BIRC6: variants seen among roughly 807,000 people sequenced by gnomAD.
BIRC6 encodes the protein baculoviral IAP repeat containing 6, also known as dual E2 ubiquitin-conjugating enzyme/E3 ubiquitin-protein ligase BIRC6.
BIRC6 carries 98 observed loss-of-function variants against 503.3 expected under a neutral mutation model. That is an observed-to-expected ratio of 0.19 (90% CI 0.17 to 0.23). The LOEUF is 0.23. Ranked by LOEUF, BIRC6 falls within the 10% of genes least tolerant of loss-of-function variation. BIRC6 has a pLI of 1.00. For missense variants in BIRC6, 5,360 were observed against 5,806.0 expected (o/e 0.92, Z 2.50); for synonymous variants, 2,240 against 2,078.7 (o/e 1.08, Z -2.11).
chr2:32,498,702 T>G (rs1308748170), intron 45 of BIRC6, among the ~76,000 whole-genome samples: 14 of 152,094 alleles, frequency 9.2e-5, no homozygotes, highest in Admixed American at 9.2e-4. Flanking sequence ...ATTCTCATGC[T>G]TCAGCCTCCT....
At chr2:32,490,199 G>T (rs752167715) in intron 43 of BIRC6, 48 bp downstream of exon 43, 1 of 1,427,154 alleles carries the variant, frequency 7.0e-7, no homozygotes, top group Non-Finnish European at 9.9e-7. Flanking sequence ...ATACTTTAGT[G>T]TTCTACTATT....
chr2:32,570,902 G>C (rs2059872904), intron 65 of BIRC6, among the ~76,000 whole-genome samples: 3 of 151,990 alleles, frequency 2.0e-5, no homozygotes, highest in Non-Finnish European at 4.4e-5. Flanking sequence ...GTCTCAAGCA[G>C]TCCTCCCACC....
At chr2:32,567,624 A>C (rs1219517986) in intron 65 of BIRC6, among the ~76,000 whole-genome samples, 1 of 152,240 alleles carries the variant, frequency 6.6e-6, no homozygotes, top group African/African-American at 2.4e-5. Flanking sequence ...TAAATGTACC[A>C]AGTTTTCACT....
At chr2:32,581,043 C>T (rs1011108917) in intron 66 of BIRC6, among the ~76,000 whole-genome samples, 1 of 152,210 alleles carries the variant, frequency 6.6e-6, no homozygotes, top group African/African-American at 2.4e-5. Flanking sequence ...AATTTTCCAA[C>T]ACTAATCCTA....
intron 20 of BIRC6, 73 bp from the exon 21 acceptor site, chr2:32,445,448 G>A: frequency 7.4e-7 from 1 of 1,348,530 alleles, no homozygotes; most frequent in African/African-American, 1.5e-5. Flanking sequence ...CTGATAAATA[G>A]GTAATCTTAA....
intron 28 of BIRC6, 145 bp from the exon 29 acceptor site, chr2:32,468,292 C>T (rs747621825): frequency 3.9e-5 from 36 of 913,416 alleles, no homozygotes; most frequent in Non-Finnish European, 5.5e-5. Context: ...AATTAATGGG[C>T]TCCATTTATT....
At chr2:32,442,649 G>A (rs565295428) in intron 19 of BIRC6, among the ~76,000 whole-genome samples, 194 bp downstream of exon 19, 1 of 152,262 alleles carries the variant, frequency 6.6e-6, no homozygotes, top group East Asian at 1.9e-4. Context: ...TGTTAAATAA[G>A]TCTATTTAAC....
At chr2:32,560,872 T>G (rs1316958922) in intron 65 of BIRC6, among the ~76,000 whole-genome samples, 1 of 152,086 alleles carries the variant, frequency 6.6e-6, no homozygotes, top group African/African-American at 2.4e-5. Flanking sequence ...CCCGACTTTT[T>G]TTTTTTTATG....
intron 61 of BIRC6, among the ~76,000 whole-genome samples, chr2:32,533,195 C>T (rs966635209): frequency 2.6e-5 from 4 of 152,066 alleles, no homozygotes; most frequent in Non-Finnish European, 4.4e-5. Context: ...AACATGTTAC[C>T]GGAACCTGAA....
At chr2:32,616,864 G>T (rs2063278843) in intron 73 of BIRC6, among the ~76,000 whole-genome samples, 1 of 152,172 alleles carries the variant, frequency 6.6e-6, no homozygotes, top group African/African-American at 2.4e-5. Flanking sequence ...CAGCTCTTTG[G>T]GAGGCCAAGG....
In BIRC6 at chr2:32,488,635, T is replaced by C. The variant is rs753833968; in HGVS notation, c.8016T>C (p.Ser2672=). 2.6e-6 allele frequency: 4 copies of C among 1,529,070 alleles called. No homozygotes were observed. Among genetic ancestry groups the C allele is most frequent in the Non-Finnish European group, 3.5e-6 (4 of 1,130,294 alleles). The allele number at this position is 1,529,070 out of a possible 1,614,324, so 94.7% of individuals were successfully genotyped here. The change falls in exon 42 of 74, where the codon AGT becomes AGC. Residue 2672 remains serine, a synonymous_variant. Coordinates refer to ENST00000421745, the MANE Select transcript of BIRC6 (RefSeq NM_016252.4). ...QLWLTLSLNS[S]STGNKENGAD... is the part of the protein sequence containing the mutation. The stretch of plus-strand genomic sequence containing the variant: ...GGCTCACACTGAGCCTGAATTCTAG[T>C]TCAACTGGAAACAAAGAAAATGGAG...
rs1333399343 is a variant in BIRC6 at position 32,554,414 on chromosome 2, CGTG to C, written c.13144+4937_13144+4939del. On this transcript the variant is annotated intron_variant, in intron 65 of 73. Transcript: ENST00000421745. ...TTGCTCAAGTTTAACTGGTTAGTAA[CGTG>C]GTGATTATTAAACTCACTTATTTTC... 3.3e-5 allele frequency among the ~76,000 whole-genome samples: 5 copies of C among 152,100 alleles called. No homozygotes were observed. In the East Asian group the frequency reaches 7.7e-4, roughly 23 times the overall value.
chr2:32,400,911 A>G (rs1181604250), intron 6 of BIRC6, among the ~76,000 whole-genome samples: 4 of 152,204 alleles, frequency 2.6e-5, no homozygotes, highest in Non-Finnish European at 5.9e-5. Flanking sequence ...TCTGAGATTG[A>G]CTTTATAATC....
At chr2:32,547,080 CA>C (rs2150348789) in intron 63 of BIRC6, among the ~76,000 whole-genome samples, 1 of 152,280 alleles carries the variant, frequency 6.6e-6, no homozygotes, top group African/African-American at 2.4e-5. Flanking sequence ...AAGTTTGATA[CA>C]ATTCCAGATT....
chr2:32,382,134 C>G (rs2037756302), intron 3 of BIRC6, among the ~76,000 whole-genome samples: 3 of 152,166 alleles, frequency 2.0e-5, no homozygotes, highest in African/African-American at 7.2e-5. Context: ...TCACCTAGGT[C>G]TGGAGGAACA....
Position 32,500,097 on chromosome 2 carries a change from G to C in BIRC6, c.9019G>C (p.Ala3007Pro). 6.2e-7 allele frequency: 1 copy of C among 1,608,122 alleles called. No individual in the cohort carries two copies. Among genetic ancestry groups the C allele is most frequent in the Non-Finnish European group, 8.5e-7 (1 of 1,176,730 alleles). Residue 3007 changes from alanine to proline, a missense_variant, in exon 46 of 74, where the codon GCA becomes CCA. Ala to Pro is a conservative substitution (Grantham distance 27, BLOSUM62 -1). Transcript: ENST00000421745. ...GGGCCTGTGTAATAGCAGTGCCATG[G>C]CAATGATAATTGGTATGTATTGAGA... ...ALGLCNSSAM[A>P]MIIGASGLHL...
intron 6 of BIRC6, among the ~76,000 whole-genome samples, chr2:32,397,888 C>G (rs1002622349): frequency 6.6e-6 from 1 of 151,978 alleles, no homozygotes; most frequent in Non-Finnish European, 1.5e-5. Context: ...CCCATGTTTT[C>G]TTGACATGGC....
intron 65 of BIRC6, among the ~76,000 whole-genome samples, chr2:32,570,553 C>A (rs1361786332): frequency 6.6e-6 from 1 of 151,992 alleles, no homozygotes; most frequent in Non-Finnish European, 1.5e-5. Flanking sequence ...GGCTGGAGTG[C>A]AATGGTATTA....
chr2:32,461,073 C>CTCTTCTCTTCTCCTCTCT (rs1558790099), intron 23 of BIRC6, among the ~76,000 whole-genome samples: 1 of 4,464 alleles, frequency 2.2e-4, no homozygotes, highest in Non-Finnish European at 5.5e-4. Context: ...TTCTGTTCTC[C>CTCTTCTCTTCTCCTCTCT]TCTCCTCTCC....
Sources: allele counts gnomAD v4.1 joint callset (sites outside exome capture counted in the v4.1 genomes callset), GRCh38; gene constraint gnomAD v4.1.1; transcripts MANE v1.5; gene names NCBI Gene and HGNC (gene_info 2026-07-23, HGNC 2026-07-21).